SLC6A9: variants seen among roughly 807,000 people sequenced by gnomAD.
The protein encoded by SLC6A9 is solute carrier family 6 member 9, also known as sodium- and chloride-dependent glycine transporter 1.
In SLC6A9, 31 loss-of-function variants were observed where a neutral mutation model predicts 70.9. The ratio of observed to expected loss-of-function variants is 0.44; its 90% confidence interval spans 0.33 to 0.59. The LOEUF (loss-of-function observed/expected upper bound fraction) is 0.59. Ranked by LOEUF, SLC6A9 falls within the 20% of genes least tolerant of loss-of-function variation. The probability of loss-of-function intolerance (pLI) is 0.04; values close to 1 mark genes in which losing one functional copy is unlikely to be tolerated. For missense variants in SLC6A9, 631 were observed against 845.2 expected (o/e 0.75, Z 3.14); for synonymous variants, 310 against 341.3 (o/e 0.91, Z 1.01).
At chr1:44,017,914 G>A (rs1453643568) in intron 2 of SLC6A9, among the ~76,000 whole-genome samples, 2 of 152,240 alleles carry the variant, frequency 1.3e-5, no homozygotes, top group African/African-American at 2.4e-5. Context: ...GCTAGTCTGG[G>A]AGTGTGCGTG....
intron 2 of SLC6A9, among the ~76,000 whole-genome samples, chr1:44,016,199 G>A (rs898548759): frequency 1.4e-4 from 21 of 152,208 alleles, no homozygotes; most frequent in African/African-American, 4.6e-4. Context: ...CAGGAGGGAA[G>A]ACTGGAGGCA....
At chr1:44,025,815 G>T (rs1166730156) in intron 1 of SLC6A9, among the ~76,000 whole-genome samples, 1 of 150,312 alleles carries the variant, frequency 6.7e-6, no homozygotes, top group Non-Finnish European at 1.5e-5. Context: ...AAAAAAAAAA[G>T]AATTGACTCA....
chr1:44,018,074 G>T lies in SLC6A9; in HGVS notation c.30+6174C>A, dbSNP rs140324370. 4.4e-3 allele frequency among the ~76,000 whole-genome samples: 664 copies of T among 152,310 alleles called. 1 individual carries two copies. The highest frequency in any genetic ancestry group is 0.015 in the African/African-American group (628 of 41,540). On this transcript the variant is annotated intron_variant, in intron 2 of 13. Transcript: ENST00000372310. The surrounding 1 kb of genome is among the most constrained non-coding windows in gnomAD (Gnocchi z 4.2). Reference sequence around the variant, plus strand: ...GACCCCAAGATACCTCAGACCAGTGGCTCGGAAGGTGGGCATATGCATTCC... The same window carrying T: ...GACCCCAAGATACCTCAGACCAGTGTCTCGGAAGGTGGGCATATGCATTCC...
At chr1:44,030,341 G>A (rs984348317) in intron 1 of SLC6A9, 1 of 152,270 alleles carries the variant, frequency 6.6e-6, no homozygotes, top group African/African-American at 2.4e-5. Flanking sequence ...AAGTACCGGG[G>A]CGCCGAGGTC....
intron 2 of SLC6A9, chr1:44,011,454 A>G (rs2086565741): frequency 1.1e-6 from 1 of 910,606 alleles, no homozygotes; most frequent in Non-Finnish European, 1.7e-6. Context: ...ATGGGGGAGC[A>G]GCTGAGCCGG....
In SLC6A9 at chr1:44,002,918, A is replaced by C; in HGVS notation, c.658T>G (p.Cys220Gly). 1 of 1,614,096 alleles carries C rather than the reference A, an allele frequency of 6.2e-7. No individual in the cohort carries two copies. The highest frequency in any genetic ancestry group is 1.1e-5 in the South Asian group (1 of 91,080). ...FGEVRLPLLGCLGVSWLVVFL... is the reference protein window; with the variant it reads ...FGEVRLPLLGGLGVSWLVVFL... ...ACGACCAACCAGGAGACACCGAGGC[A>C]GCCAAGGAGGGGCAGCCGCACCTCC... The change falls in exon 6 of 14, where the codon TGC (cysteine) becomes GGC (glycine). Residue 220 changes from cysteine to glycine, a missense_variant. Cys to Gly is a radical substitution (Grantham distance 159). Coordinates refer to ENST00000372310, the MANE Select transcript of SLC6A9 (RefSeq NM_001024845.3). The surrounding 1 kb of genome is among the most constrained non-coding windows in gnomAD (Gnocchi z 5.5).
At position 44,010,706 on chromosome 1, in the gene SLC6A9, G is replaced by A; in HGVS notation, c.187+20C>T. 1.2e-6 allele frequency: 2 copies of A among 1,611,616 alleles called. No homozygotes were observed. The highest frequency in any genetic ancestry group is 1.7e-6 in the Non-Finnish European group (2 of 1,178,238). On this transcript the variant is annotated intron_variant, in intron 3 of 13. Coordinates refer to ENST00000372310, the MANE Select transcript of SLC6A9 (RefSeq NM_001024845.3). ...GGCTCTACCCAAGTGGGTGGTCCCT[G>A]CCCTGTGCCCACTGGGTACCTCCCC...
At position 44,010,871 on chromosome 1, in the gene SLC6A9, C is replaced by T. The variant is rs756879545; in HGVS notation, c.42G>A (p.Val14=). 1 of 1,614,102 alleles carries T rather than the reference C, an allele frequency of 6.2e-7. No homozygotes were observed. The highest frequency in any genetic ancestry group is 8.5e-7 in the Non-Finnish European group (1 of 1,180,026). Residue 14 remains valine, a synonymous_variant, in exon 3 of 14, where the codon GTG becomes GTA. Transcript: ENST00000372310. ...GGTCCCTCTTGGTGGCCTCGCTGGG[C>T]ACAGCACCATTCTGTGGGGACAGGA... ...KGAKGMLNGA[V]PSEATKRDQN...
At chr1:44,027,094 G>A (rs74708667) in intron 1 of SLC6A9, among the ~76,000 whole-genome samples, 3,716 of 152,142 alleles carry the variant, frequency 0.024, 136 homozygotes, top group African/African-American at 0.082. Context: ...CTGATTGCCC[G>A]TGGCGTCCAG....
intron 2 of SLC6A9, among the ~76,000 whole-genome samples, 185 bp downstream of exon 2, chr1:44,024,063 G>A (rs1571917226): frequency 1.3e-5 from 2 of 152,172 alleles, no homozygotes; most frequent in East Asian, 1.9e-4. Flanking sequence ...CGGGCTCTGC[G>A]GGCTTGGAGC....
chr1:44,024,153 C>G (rs1292090106), intron 2 of SLC6A9, 95 bp downstream of exon 2: 1 of 1,311,780 alleles, frequency 7.6e-7, no homozygotes, highest in Non-Finnish European at 1.1e-6. Context: ...CCTGGCAGTG[C>G]CGGCCTTCCT....
chr1:44,003,718 A>G (rs1373028759), intron 5 of SLC6A9, among the ~76,000 whole-genome samples: 19 of 142,662 alleles, frequency 1.3e-4, no homozygotes, highest in African/African-American at 4.9e-4. Context: ...ACTGCACTCT[A>G]GCCTGGGCAA....
At chr1:44,011,601 A>C in intron 2 of SLC6A9, 2 of 1,614,048 alleles carry the variant, frequency 1.2e-6, no homozygotes. Context: ...GAGTTGGGGA[A>C]GGAGACCAGA....
Position 44,010,871 on chromosome 1 carries a change from C to G in SLC6A9, c.42G>C (p.Val14=). The G allele has an allele frequency of 1.2e-6, 2 of 1,614,220 alleles. No homozygotes were observed. The highest frequency in any genetic ancestry group is 1.7e-6 in the Non-Finnish European group (2 of 1,180,018). The change falls in exon 3 of 14, where the codon GTG becomes GTC. Residue 14 remains valine (V), a synonymous_variant. Transcript: ENST00000372310. The part of the protein sequence containing the change: ...KGAKGMLNGA[V]PSEATKRDQN... ...GGTCCCTCTTGGTGGCCTCGCTGGGCACAGCACCATTCTGTGGGGACAGGA... is the reference window on the plus strand; with the variant it reads ...GGTCCCTCTTGGTGGCCTCGCTGGGGACAGCACCATTCTGTGGGGACAGGA...
chr1:44,001,205 C>T lies in SLC6A9; in HGVS notation c.1294G>A (p.Ala432Thr). The T allele has an allele frequency of 1.2e-6, 2 of 1,614,230 alleles. No individual in the cohort carries two copies. Among genetic ancestry groups the T allele is most frequent in the Non-Finnish European group, 1.7e-6 (2 of 1,180,042 alleles). The change falls in exon 10 of 14, where the codon GCT becomes ACT. Residue 432 changes from alanine to threonine, a missense_variant. Ala to Thr is a moderately conservative substitution (Grantham distance 58). Transcript: ENST00000372310. ...ATGCCCAGCAGGAAGCCAGCCACAG[C>T]CACGCCCAAGGTCACATAGGTCTTT... ...QKKTYVTLGV[A>T]VAGFLLGIPL...
At chr1:44,000,562 C>G (rs184829512) in intron 12 of SLC6A9, among the ~76,000 whole-genome samples, 1 of 152,388 alleles carries the variant, frequency 6.6e-6, no homozygotes, top group South Asian at 2.1e-4. Context: ...CCCCTCCTAA[C>G]CTGAGGCCAG....
At position 43,997,845 on chromosome 1, in the gene SLC6A9, C is replaced by T. The variant is rs767358625; in HGVS notation, c.1707+10G>A. On this transcript the variant is annotated intron_variant, in intron 13 of 13. Transcript: ENST00000372310. The surrounding 1 kb of genome is among the most constrained non-coding windows in gnomAD (Gnocchi z 4.4). ...TTTTGCCTGGCTACCCAGCCTGTCC[C>T]TGCCCTCACCTGGAGGAGGGTGTCC... 1 of 1,603,344 alleles carries T rather than the reference C, an allele frequency of 6.2e-7. No homozygotes were observed. The highest frequency in any genetic ancestry group is 2.2e-5 in the East Asian group (1 of 44,732).
intron 4 of SLC6A9, among the ~76,000 whole-genome samples, chr1:44,009,318 C>A (rs570424461): frequency 6.6e-6 from 1 of 151,472 alleles, no homozygotes; most frequent in Admixed American, 6.6e-5. Context: ...CTCCCGGGTT[C>A]ACGCCATTCT....
At chr1:44,022,192 T>G (rs1309362523) in intron 2 of SLC6A9, among the ~76,000 whole-genome samples, 1 of 152,234 alleles carries the variant, frequency 6.6e-6, no homozygotes, top group Non-Finnish European at 1.5e-5. Context: ...GCAGGGACTC[T>G]GGGACACTGG....
Sources: allele counts gnomAD v4.1 joint callset (sites outside exome capture counted in the v4.1 genomes callset), GRCh38; gene constraint gnomAD v4.1.1; non-coding constraint Gnocchi (gnomAD v3.1); transcripts MANE v1.5; gene names NCBI Gene and HGNC (gene_info 2026-07-23, HGNC 2026-07-21).